Variants in GALR1 observed in about 807,000 individuals in gnomAD.
The protein encoded by GALR1 is galanin receptor 1, also known as galanin receptor type 1.
In GALR1, 11 loss-of-function variants were observed where a neutral mutation model predicts 17.9. The ratio of observed to expected loss-of-function variants is 0.62; its 90% CI spans 0.39 to 1.02. The LOEUF (loss-of-function observed/expected upper bound fraction) is 1.02. Among genes scored for constraint, GALR1 ranks in the 50% least tolerant of loss-of-function variants. GALR1 has a pLI of 0.01. For missense variants in GALR1, 441 were observed against 456.9 expected, an observed-to-expected ratio of 0.97 and a Z score of 0.32; for synonymous variants, 206 against 205.7, an observed-to-expected ratio of 1.00 and a Z score of -0.01.
At position 77,250,635 on chromosome 18, in the gene GALR1, C is replaced by T; in HGVS notation, c.87C>T (p.Ile29=). ...CGGAGCCCGGGCCGCTGTTCGGCATCGGCGTGGAGAACTTCGTCACGCTGG... is the reference window on the plus strand; with the variant it reads ...CGGAGCCCGGGCCGCTGTTCGGCATTGGCGTGGAGAACTTCGTCACGCTGG... ...PAPEPGPLFG[I]GVENFVTLVV... is the part of the protein sequence containing the mutation. The change falls in exon 1 of 3, where the codon ATC becomes ATT. Residue 29 remains isoleucine (I), a synonymous_variant. Transcript: ENST00000299727. The T allele has an allele frequency of 1.3e-6, 2 of 1,597,014 alleles. No homozygotes were observed. The highest frequency in any genetic ancestry group is 1.7e-6 in the Non-Finnish European group (2 of 1,173,576).
intron 2 of GALR1, among the ~76,000 whole-genome samples, 187 bp downstream of exon 2, chr18:77,256,410 T>G (rs1304174290): frequency 6.6e-6 from 1 of 152,062 alleles, no homozygotes; most frequent in African/African-American, 2.4e-5. Context: ...AAGGGCACCG[T>G]GGGTCACTCC....
In GALR1 at chr18:77,250,726, C is replaced by T. The variant is rs746972199; in HGVS notation, c.178C>T (p.Arg60Cys). 1.1e-5 allele frequency: 17 copies of T among 1,613,740 alleles called. No homozygotes were observed. Among genetic ancestry groups the T allele is most frequent in the Non-Finnish European group, 1.4e-5 (16 of 1,179,968 alleles). ...CAGCCTAGTGATCACCGTGCTGGCG[C>T]GCAGCAAGCCGGGCAAGCCGCGGAG... ...GNSLVITVLA[R>C]SKPGKPRSTT... is the part of the protein sequence containing the mutation. The change falls in exon 1 of 3, where the codon CGC (arginine) becomes TGC (cysteine). Residue 60 changes from arginine (R) to cysteine (C), a missense_variant. By Grantham distance (180) the Arg-to-Cys change is radical. Transcript: ENST00000299727.
chr18:77,261,931 C>T (rs902431131), intron 2 of GALR1, among the ~76,000 whole-genome samples: 4 of 152,124 alleles, frequency 2.6e-5, no homozygotes, highest in African/African-American at 9.7e-5. Flanking sequence ...TCAAGAGATC[C>T]TCCCACCTCA....
At chr18:77,257,839 G>GCCC (rs1408786596) in intron 2 of GALR1, among the ~76,000 whole-genome samples, 5 of 152,224 alleles carry the variant, frequency 3.3e-5, no homozygotes, top group African/African-American at 1.2e-4. Flanking sequence ...GGAAGGGAGA[G>GCCC]ATTAATTTCC....
intron 2 of GALR1, among the ~76,000 whole-genome samples, chr18:77,258,327 A>C (rs1239275925): frequency 6.6e-6 from 1 of 152,210 alleles, no homozygotes; most frequent in Non-Finnish European, 1.5e-5. Flanking sequence ...GAAGGGATGA[A>C]GATTTTCTTT....
Position 77,275,886 on chromosome 18 carries a change from C to G in GALR1, c.*6984C>G, listed in dbSNP as rs1225173445. On this transcript the variant is annotated 3_prime_UTR_variant, in exon 3 of 3. Transcript: ENST00000299727. ...AAGAGGCTTCGGTAGCGTCCTCAGGCCCGCGTGCCCTGTGTTCTTAACAGC... is the reference window on the plus strand; with the variant it reads ...AAGAGGCTTCGGTAGCGTCCTCAGGGCCGCGTGCCCTGTGTTCTTAACAGC... The G allele has an allele frequency of 6.6e-6, 1 of 152,176 alleles. No individual in the cohort carries two copies. Among genetic ancestry groups the G allele is most frequent in the Admixed American group, 6.5e-5 (1 of 15,276 alleles). 9.4% of individuals were successfully genotyped at this position (152,176 alleles called of 1,614,324 possible).
Position 77,276,919 on chromosome 18 carries a change from C to T in GALR1, c.*8017C>T, listed in dbSNP as rs1237189107. ...TTTCAGAGATTGTTATAATTTTTGCCTCAAAAAAATAAAATAAAATAGCTT... is the reference window on the plus strand; with the variant it reads ...TTTCAGAGATTGTTATAATTTTTGCTTCAAAAAAATAAAATAAAATAGCTT... On this transcript the variant is annotated 3_prime_UTR_variant, in exon 3 of 3. Transcript: ENST00000299727. 2.0e-5 allele frequency: 3 copies of T among 151,840 alleles called. No homozygotes were observed. Among genetic ancestry groups the T allele is most frequent in the Non-Finnish European group, 4.4e-5 (3 of 67,968 alleles). The allele number at this position is 151,840 out of a possible 1,614,324, so 9.4% of individuals were successfully genotyped here.
At chr18:77,264,082 C>T (rs1054608638) in intron 2 of GALR1, among the ~76,000 whole-genome samples, 5 of 137,460 alleles carry the variant, frequency 3.6e-5, no homozygotes, top group South Asian at 2.3e-4. Context: ...TGCAGTGAGC[C>T]GAGATTGTGC....
At chr18:77,259,981 AT>A in intron 2 of GALR1, among the ~76,000 whole-genome samples, 1 of 152,196 alleles carries the variant, frequency 6.6e-6, no homozygotes, top group African/African-American at 2.4e-5. Flanking sequence ...ACACGTGTTC[AT>A]CATTTGATTG....
At position 77,269,002 on chromosome 18, in the gene GALR1, TAAC is replaced by T. The variant is rs1331561607; in HGVS notation, c.*103_*105del. ...TAAGCGATGCTGCAACTTGTTATCT[TAAC>T]AAGAATTCAAGTCGTTTTAATTAAA... is the stretch of plus-strand genomic sequence containing the variant. On this transcript the variant is annotated 3_prime_UTR_variant, in exon 3 of 3. Coordinates refer to ENST00000299727, the MANE Select transcript of GALR1 (RefSeq NM_001480.4). 3.3e-6 allele frequency: 3 copies of T among 895,582 alleles called. No individual in the cohort carries two copies. The highest frequency in any genetic ancestry group is 5.2e-6 in the Non-Finnish European group (3 of 574,484). 55.5% of individuals were successfully genotyped at this position (895,582 alleles called of 1,614,324 possible). A position where few individuals can be genotyped will look rare whatever the true frequency, so the allele number is the denominator to read the frequency against.
In GALR1 at chr18:77,268,542, G is replaced by GCCTCCTCCTCCT. The variant is rs71876994; in HGVS notation, c.733-26_733-15dup. The GCCTCCTCCTCCT allele has an allele frequency of 3.5e-5, 47 of 1,329,908 alleles. No homozygotes were observed. The East Asian group carries it at 6.4e-4, about 18-fold the overall frequency. 82.4% of individuals were successfully genotyped at this position (1,329,908 alleles called of 1,614,324 possible). The stretch of plus-strand genomic sequence containing the variant: ...TCCTTCCTTCTTCTTCTCCCTTACC[G>GCCTCCTCCTCCT]CCTCCTCCTCCTCCTCCTCCTCCTC... On this transcript the variant is annotated intron_variant, in intron 2 of 2. Transcript: ENST00000299727.
At chr18:77,262,029 T>C (rs981420210) in intron 2 of GALR1, among the ~76,000 whole-genome samples, 20 of 152,102 alleles carry the variant, frequency 1.3e-4, no homozygotes, top group Non-Finnish European at 2.6e-4. Flanking sequence ...GGACTCAGGA[T>C]GTTGTCCAAG....
chr18:77,258,854 ATGGTGG>A (rs1320279452), intron 2 of GALR1, among the ~76,000 whole-genome samples: 3 of 50,378 alleles, frequency 6.0e-5, no homozygotes, highest in African/African-American at 2.7e-4. Flanking sequence ...GGTGGTGGTG[ATGGTGG>A]TGGTGATGGT....
chr18:77,262,538 G>A (rs1033824036), intron 2 of GALR1, among the ~76,000 whole-genome samples: 1 of 152,146 alleles, frequency 6.6e-6, no homozygotes, highest in Non-Finnish European at 1.5e-5. Flanking sequence ...TCATTGCTAC[G>A]ACTGAATTGG....
At position 77,268,738 on chromosome 18, in the gene GALR1, T is replaced by A. The variant is rs1427324978; in HGVS notation, c.886T>A (p.Ser296Thr). 11 of 1,614,060 alleles carry A rather than the reference T, an allele frequency of 6.8e-6. No individual in the cohort carries two copies. Among genetic ancestry groups the A allele is most frequent in the African/African-American group, 1.3e-5 (1 of 74,926 alleles). Reference protein sequence around the residue: ...ITAHCLAYSNSSVNPIIYAFL... With the variant: ...ITAHCLAYSNTSVNPIIYAFL... ...CGCCCACTGCCTGGCGTACAGCAAT[T>A]CCTCCGTGAATCCTATCATTTATGC... The change falls in exon 3 of 3, where the codon TCC (serine) becomes ACC (threonine). Residue 296 changes from serine to threonine, a missense_variant. Ser to Thr is a moderately conservative substitution (Grantham distance 58). Transcript: ENST00000299727.
At position 77,271,005 on chromosome 18, in the gene GALR1, G is replaced by T. The variant is rs1004654525; in HGVS notation, c.*2103G>T. ...AACTCACAAAACTGTGTAAAGAAGTGCCTTCTTGTTGTGTTTGAGTTTGCA... is the reference window on the plus strand; with the variant it reads ...AACTCACAAAACTGTGTAAAGAAGTTCCTTCTTGTTGTGTTTGAGTTTGCA... On this transcript the variant is annotated 3_prime_UTR_variant, in exon 3 of 3. Transcript: ENST00000299727. 1 of 152,148 alleles carries T rather than the reference G, an allele frequency of 6.6e-6. No individual in the cohort carries two copies. The highest frequency in any genetic ancestry group is 1.5e-5 in the Non-Finnish European group (1 of 68,034). 9.4% of individuals were successfully genotyped at this position (152,148 alleles called of 1,614,324 possible). A position where few individuals can be genotyped will look rare whatever the true frequency, so the allele number is the denominator to read the frequency against.
chr18:77,266,679 C>A (rs1241133633), intron 2 of GALR1, among the ~76,000 whole-genome samples: 2 of 152,196 alleles, frequency 1.3e-5, no homozygotes, highest in African/African-American at 4.8e-5. Flanking sequence ...GAAAGGGAAG[C>A]AAACATGTCC....
chr18:77,262,610 C>T (rs951116975), intron 2 of GALR1, among the ~76,000 whole-genome samples: 21 of 152,184 alleles, frequency 1.4e-4, no homozygotes, highest in African/African-American at 5.1e-4. Context: ...TTGGCTTTTA[C>T]CAACCAGGAG....
At chr18:77,268,021 A>G (rs576911401) in intron 2 of GALR1, among the ~76,000 whole-genome samples, 34 of 152,352 alleles carry the variant, frequency 2.2e-4, no homozygotes, top group African/African-American at 7.9e-4. Flanking sequence ...GTTAAAATGA[A>G]AGAAAGCAAA....
Sources: allele counts gnomAD v4.1 joint callset (sites outside exome capture counted in the v4.1 genomes callset), GRCh38; gene constraint gnomAD v4.1.1; transcripts MANE v1.5; gene names NCBI Gene and HGNC (gene_info 2026-07-23, HGNC 2026-07-21).